BIRC6: variants seen among roughly 807,000 people sequenced by gnomAD.
BIRC6 encodes the protein dual E2 ubiquitin-conjugating enzyme/E3 ubiquitin-protein ligase BIRC6.
BIRC6 carries 98 observed loss-of-function variants against 503.3 expected under a neutral mutation model. The ratio of observed to expected loss-of-function variants is 0.19; its 90% CI spans 0.17 to 0.23. The LOEUF is 0.23. Among genes scored for constraint, BIRC6 ranks in the 10% least tolerant of loss-of-function variants. The pLI, the probability that BIRC6 is intolerant of heterozygous loss-of-function variation, is 1.00. For missense variants in BIRC6, 5,360 were observed against 5,806.0 expected (o/e 0.92, Z 2.50); for synonymous variants, 2,240 against 2,078.7 (o/e 1.08, Z -2.11).
chr2:32,500,441 C>T (rs1203894825), intron 46 of BIRC6, among the ~76,000 whole-genome samples: 9 of 148,964 alleles, frequency 6.0e-5, no homozygotes, highest in Admixed American at 1.3e-4. Flanking sequence ...TTTTTTACCC[C>T]GAGCCAGAGT....
At chr2:32,552,815 C>T (rs1436901714) in intron 65 of BIRC6, among the ~76,000 whole-genome samples, 1 of 150,312 alleles carries the variant, frequency 6.7e-6, no homozygotes. Context: ...AAATAGTAGC[C>T]ACTTAAAAAA....
At chr2:32,487,077 C>G (rs537638756) in intron 40 of BIRC6, among the ~76,000 whole-genome samples, 1 of 151,400 alleles carries the variant, frequency 6.6e-6, no homozygotes, top group African/African-American at 2.4e-5. Flanking sequence ...TTTTGATTAT[C>G]CTGCACACAG....
intron 50 of BIRC6, 25 bp downstream of exon 50, chr2:32,505,230 A>G (rs1362041694): frequency 6.7e-7 from 1 of 1,500,404 alleles, no homozygotes; most frequent in African/African-American, 1.4e-5. Context: ...ATAAAGAAGC[A>G]TCATGAGAAC....
intron 53 of BIRC6, among the ~76,000 whole-genome samples, chr2:32,511,638 G>A (rs976484100): frequency 3.3e-5 from 5 of 151,694 alleles, no homozygotes; most frequent in South Asian, 4.2e-4. Context: ...CCAACTTGAA[G>A]TAGTTTTGAA....
chr2:32,463,474 C>T (rs939190998), intron 24 of BIRC6, 93 bp downstream of exon 24: 23 of 1,251,846 alleles, frequency 1.8e-5, no homozygotes, highest in African/African-American at 4.6e-5. Flanking sequence ...CATAAAGAAA[C>T]GTAGGTTGAC....
chr2:32,577,047 G>T (rs949294489), intron 66 of BIRC6, among the ~76,000 whole-genome samples: 7 of 152,022 alleles, frequency 4.6e-5, no homozygotes, highest in Middle Eastern at 3.4e-3. Flanking sequence ...CTTTCTCACT[G>T]GTAACCAAGG....
At chr2:32,484,529 C>T (rs1460758057) in intron 39 of BIRC6, among the ~76,000 whole-genome samples, 4 of 132,328 alleles carry the variant, frequency 3.0e-5, no homozygotes, top group Admixed American at 1.7e-4. Flanking sequence ...CCAGCCTGGA[C>T]GATAGAGCAA....
intron 21 of BIRC6, among the ~76,000 whole-genome samples, chr2:32,447,612 C>T (rs1377614389): frequency 8.2e-6 from 1 of 121,762 alleles, no homozygotes. Context: ...GGGCTGATCC[C>T]CCCACCTCCC....
intron 73 of BIRC6, among the ~76,000 whole-genome samples, chr2:32,613,533 A>G (rs1442325713): frequency 6.6e-6 from 1 of 151,994 alleles, no homozygotes; most frequent in Non-Finnish European, 1.5e-5. Context: ...GTCACCTGCC[A>G]TCATGCCCAG....
intron 33 of BIRC6, among the ~76,000 whole-genome samples, chr2:32,473,753 T>TG (rs2049388130): frequency 1.9e-4 from 15 of 80,076 alleles, no homozygotes; most frequent in East Asian, 1.1e-3. Context: ...GTGTGTGTAT[T>TG]TTTTTTTTTT....
In BIRC6 at chr2:32,453,122, G is replaced by A. The variant is rs1172626021; in HGVS notation, c.4619-686G>A. Among the ~76,000 whole-genome samples the A allele has an allele frequency of 2.0e-5, 3 of 151,266 alleles. No homozygotes were observed. The East Asian group carries it at 5.8e-4, about 29-fold the overall frequency. On this transcript the variant is annotated intron_variant, in intron 22 of 73. Coordinates refer to ENST00000421745, the MANE Select transcript of BIRC6 (RefSeq NM_016252.4). The stretch of plus-strand genomic sequence containing the variant: ...GTGAATATAATCCTTGCCTTCCCAA[G>A]CTGCATACGCAGTCCCTGTGAATTC...
intron 54 of BIRC6, 75 bp downstream of exon 54, chr2:32,513,229 T>C: frequency 9.6e-7 from 1 of 1,041,316 alleles, no homozygotes; most frequent in Non-Finnish European, 1.4e-6. Context: ...AAACAAAATA[T>C]TTTACATGTT....
At chr2:32,468,817 G>C in intron 29 of BIRC6, 34 bp downstream of exon 29, 1 of 1,441,304 alleles carries the variant, frequency 6.9e-7, no homozygotes, top group Non-Finnish European at 9.5e-7. Flanking sequence ...TAAAGGCTGG[G>C]AATATACTTG....
intron 10 of BIRC6, among the ~76,000 whole-genome samples, chr2:32,428,013 CTTGT>C (rs1358978409): frequency 1.3e-5 from 2 of 152,060 alleles, no homozygotes; most frequent in Non-Finnish European, 2.9e-5. Flanking sequence ...ATTTTTAAGA[CTTGT>C]TTCTTATTTT....
chr2:32,379,683 C>T (rs1320217142), intron 2 of BIRC6: 1 of 152,250 alleles, frequency 6.6e-6, no homozygotes, highest in Non-Finnish European at 1.5e-5. Flanking sequence ...CTTATATTAG[C>T]ATATATCTTT....
intron 13 of BIRC6, among the ~76,000 whole-genome samples, chr2:32,434,320 AGTTT>A (rs902096495): frequency 3.3e-5 from 5 of 152,222 alleles, no homozygotes; most frequent in Non-Finnish European, 7.3e-5. Flanking sequence ...TTAATAAGTT[AGTTT>A]AAGAGGCTGG....
intron 61 of BIRC6, among the ~76,000 whole-genome samples, chr2:32,542,836 G>T (rs1290389596): frequency 6.6e-6 from 1 of 152,160 alleles, no homozygotes; most frequent in Admixed American, 6.5e-5. Context: ...AGATAGTTTT[G>T]TTGCCCAGGC....
chr2:32,421,751 G>A (rs1341204142), intron 10 of BIRC6, among the ~76,000 whole-genome samples: 3 of 152,130 alleles, frequency 2.0e-5, no homozygotes, highest in Admixed American at 2.0e-4. Flanking sequence ...TCATGACCCA[G>A]CATCTGGTCT....
intron 9 of BIRC6, among the ~76,000 whole-genome samples, chr2:32,406,774 A>G (rs940454932): frequency 6.6e-6 from 1 of 152,186 alleles, no homozygotes; most frequent in Non-Finnish European, 1.5e-5. Flanking sequence ...ATTTGAGCCA[A>G]AGGAATTACA....
Sources: allele counts gnomAD v4.1 joint callset (sites outside exome capture counted in the v4.1 genomes callset), GRCh38; gene constraint gnomAD v4.1.1; transcripts MANE v1.5; gene names NCBI Gene and HGNC (gene_info 2026-07-23, HGNC 2026-07-21).